Variants in CCDC47 observed in about 807,000 individuals in gnomAD.
The protein encoded by CCDC47 is PAT complex subunit CCDC47.
In CCDC47, 41 loss-of-function variants were observed where a neutral mutation model predicts 60.5. The observed-to-expected ratio is 0.68, with a 90% CI of 0.53 to 0.88. The LOEUF (loss-of-function observed/expected upper bound fraction) is 0.88. CCDC47 is among the 40% of genes least tolerant of loss of function. The pLI is 0.00. For synonymous variants in CCDC47, 195 were observed against 190.7 expected, an observed-to-expected ratio of 1.02 and a Z score of -0.18; for missense variants, 513 against 580.9, an observed-to-expected ratio of 0.88 and a Z score of 1.20.
chr17:63,769,549 G>A (rs2039320957), intron 1 of CCDC47, among the ~76,000 whole-genome samples: 1 of 148,636 alleles, frequency 6.7e-6, no homozygotes, highest in Non-Finnish European at 1.5e-5. Context: ...GGAGGTGGAG[G>A]TTGCAGTGAG....
At chr17:63,766,898 C>A (rs1354377616) in intron 1 of CCDC47, 1 of 982,364 alleles carries the variant, frequency 1.0e-6, no homozygotes, top group Non-Finnish European at 1.2e-6. Flanking sequence ...CAAGAATAAT[C>A]CATGAATAAA....
intron 1 of CCDC47, chr17:63,772,709 G>A (rs2039357354): frequency 6.6e-6 from 1 of 152,174 alleles, no homozygotes; most frequent in Non-Finnish European, 1.5e-5. Context: ...ACACTTCTGA[G>A]ATAACTCAGC....
intron 1 of CCDC47, among the ~76,000 whole-genome samples, chr17:63,768,245 A>G (rs9891326): frequency 0.015 from 2,301 of 152,326 alleles, 62 homozygotes; most frequent in African/African-American, 0.052. Flanking sequence ...TACTATGCCA[A>G]GATAAAGCAC....
chr17:63,761,015 C>T, intron 5 of CCDC47, 36 bp from the exon 6 acceptor site: 1 of 1,536,044 alleles, frequency 6.5e-7, no homozygotes, highest in South Asian at 1.1e-5. Flanking sequence ...AATCCAACTG[C>T]AACTCCTACT....
At chr17:63,757,756 C>CTGGGATA (rs1362082494) in intron 6 of CCDC47, among the ~76,000 whole-genome samples, 2 of 152,172 alleles carry the variant, frequency 1.3e-5, no homozygotes, top group East Asian at 3.8e-4. Context: ...AGGTTTCAGG[C>CTGGGATA]ACAGAGCTCC....
Position 63,746,830 on chromosome 17 carries a change from G to A in CCDC47, c.*51C>T, listed in dbSNP as rs1322677925. ...TGGACTGGCGTTTTTCATGTTTCCT[G>A]TGAATTCAGAGCTTACAGGTGGCAT... On this transcript the variant is annotated 3_prime_UTR_variant, in exon 13 of 13. Transcript: ENST00000225726. The A allele has an allele frequency of 1.5e-6, 2 of 1,350,002 alleles. No homozygotes were observed. The highest frequency in any genetic ancestry group is 1.2e-5 in the South Asian group (1 of 84,966). The allele number at this position is 1,350,002 out of a possible 1,614,324, so 83.6% of individuals were successfully genotyped here.
rs2039235559 is a variant in CCDC47, at chr17:63,759,511, ATATATATATATATATTTATAT to A, written c.735+1382_735+1402del. Among the ~76,000 whole-genome samples the A allele has an allele frequency of 1.3e-3, 30 of 23,438 alleles. 7 individuals are homozygous for A. Among genetic ancestry groups the A allele is most frequent in the African/African-American group, 4.8e-3 (17 of 3,522 alleles). The allele number at this position is 23,438 out of a possible 152,430, so 15.4% of individuals were successfully genotyped here. A position where few individuals can be genotyped will look rare whatever the true frequency, so the allele number is the denominator to read the frequency against. On this transcript the variant is annotated intron_variant, in intron 6 of 12. Transcript: ENST00000225726. ...CTCCCAAAAAAAAAAAAAAAAAAAT[ATATATATATATATATTTATAT>A]ATATATATATATATATATATATATA...
At chr17:63,766,686 A>T in intron 1 of CCDC47, 5 of 292,600 alleles carry the variant, frequency 1.7e-5, no homozygotes, top group Non-Finnish European at 2.5e-5. Flanking sequence ...CGGCCTCCCA[A>T]AGTGCTGGGA....
chr17:63,761,865 A>G, intron 4 of CCDC47: 1 of 919,604 alleles, frequency 1.1e-6, no homozygotes, highest in Non-Finnish European at 1.3e-6. Flanking sequence ...TGTCTGTATT[A>G]GAAGAAATAT....
Position 63,752,304 on chromosome 17 carries a change from A to G in CCDC47, c.1203+16T>C. The G allele has an allele frequency of 6.5e-7, 1 of 1,550,326 alleles. No homozygotes were observed. The highest frequency in any genetic ancestry group is 8.9e-7 in the Non-Finnish European group (1 of 1,124,644). Reference sequence around the variant, plus strand: ...AAAAAGGTGCCAATTTATATAATACAGGCATTGGGTCTTACTTCTCTGTTG... The same window carrying G: ...AAAAAGGTGCCAATTTATATAATACGGGCATTGGGTCTTACTTCTCTGTTG... On this transcript the variant is annotated intron_variant, in intron 11 of 12. Transcript: ENST00000225726.
At chr17:63,753,773 C>T (rs1462984991) in intron 9 of CCDC47, 1 of 214,040 alleles carries the variant, frequency 4.7e-6, no homozygotes, top group Non-Finnish European at 8.0e-6. Flanking sequence ...TGTAATCAGA[C>T]ATAAGTCAAA....
chr17:63,766,028 C>T lies in CCDC47; in HGVS notation c.148G>A (p.Val50Ile). 2 of 1,614,054 alleles carry T rather than the reference C, an allele frequency of 1.2e-6. No homozygotes were observed. Among genetic ancestry groups the T allele is most frequent in the Non-Finnish European group, 1.7e-6 (2 of 1,179,988 alleles). ...ATGACCCGTTGAGGAGATTCAGTAA[C>T]AGAGTCTTCCATGACATCCTCAAAT... is the stretch of plus-strand genomic sequence containing the variant. ...AEFEDVMEDS[V>I]TESPQRVIIT... The change falls in exon 2 of 13, where the codon GTT (valine) becomes ATT (isoleucine). Residue 50 changes from valine (V) to isoleucine (I), a missense_variant. Transcript: ENST00000225726.
chr17:63,763,515 ACC>A (rs2039275470), intron 4 of CCDC47, among the ~76,000 whole-genome samples: 1 of 151,734 alleles, frequency 6.6e-6, no homozygotes, highest in Non-Finnish European at 1.5e-5. Flanking sequence ...ACAGCGTGAG[ACC>A]TTGCCTCAAA....
At chr17:63,764,911 G>C (rs1299381977) in intron 2 of CCDC47, 64 bp from the exon 3 acceptor site, 6 of 1,557,558 alleles carry the variant, frequency 3.9e-6, no homozygotes, top group Middle Eastern at 1.8e-4. Flanking sequence ...GTCTCATTTT[G>C]TTGGCAACAT....
chr17:63,766,537 C>T (rs1465919558), intron 1 of CCDC47, among the ~76,000 whole-genome samples: 3 of 152,188 alleles, frequency 2.0e-5, no homozygotes, highest in Non-Finnish European at 4.4e-5. Flanking sequence ...GATTCTCCTG[C>T]CTCAGCCTCC....
At chr17:63,756,063 AT>A (rs1383308718) in intron 8 of CCDC47, among the ~76,000 whole-genome samples, 176 bp downstream of exon 8, 1 of 152,218 alleles carries the variant, frequency 6.6e-6, no homozygotes, top group Non-Finnish European at 1.5e-5. Flanking sequence ...GACTAATCAA[AT>A]TGTCCTTTTG....
At chr17:63,754,690 G>A (rs559871462) in intron 8 of CCDC47, among the ~76,000 whole-genome samples, 172 bp from the exon 9 acceptor site, 13 of 151,886 alleles carry the variant, frequency 8.6e-5, no homozygotes, top group Admixed American at 2.6e-4. Context: ...AGATCAGCCT[G>A]GCCAACACAG....
In CCDC47 at chr17:63,751,963, G is replaced by C; in HGVS notation, c.1348C>G (p.Pro450Ala). The change falls in exon 12 of 13, where the codon CCT becomes GCT. Residue 450 changes from proline to alanine, a missense_variant. Physicochemically the swap from Pro to Ala is conservative, Grantham distance 27. Coordinates refer to ENST00000225726, the MANE Select transcript of CCDC47 (RefSeq NM_020198.3). ...EKERIMNEED[P>A]EKQRRLEEAA... ...ACCTCCAGCCTGCGCTGTTTCTCAG[G>C]ATCTTCCTCATTCATGATTCGCTCC... The C allele has an allele frequency of 1.2e-6, 2 of 1,613,484 alleles. No individual in the cohort carries two copies. The highest frequency in any genetic ancestry group is 8.5e-7 in the Non-Finnish European group (1 of 1,179,952).
chr17:63,754,395 G>A (rs2039189556), intron 9 of CCDC47, 38 bp downstream of exon 9: 3 of 1,252,488 alleles, frequency 2.4e-6, no homozygotes, highest in Non-Finnish European at 3.5e-6. Context: ...GAAAGCTAGT[G>A]AGGAAAATTA....
Sources: allele counts gnomAD v4.1 joint callset (sites outside exome capture counted in the v4.1 genomes callset), GRCh38; gene constraint gnomAD v4.1.1; transcripts MANE v1.5; gene names NCBI Gene and HGNC (gene_info 2026-07-23, HGNC 2026-07-21).